GALNT7: variants seen among roughly 807,000 people sequenced by gnomAD.
The protein encoded by GALNT7 is N-acetylgalactosaminyltransferase 7.
GALNT7 carries 60 observed loss-of-function variants against 82.1 expected under a neutral mutation model. The observed-to-expected ratio is 0.73, with a 90% CI of 0.59 to 0.91. The LOEUF is 0.91. GALNT7 is among the 40% of genes least tolerant of loss of function. GALNT7 has a pLI of 0.00. For missense variants in GALNT7, 660 were observed against 804.2 expected (o/e 0.82, Z 2.17); for synonymous variants, 243 against 275.1 (o/e 0.88, Z 1.15).
rs34885736 is a variant in GALNT7, at chr4:173,318,553, C to T, written c.1830C>T (p.Tyr610=). The change falls in exon 11 of 12, where the codon TAC becomes TAT. Residue 610 remains tyrosine, a synonymous_variant. Transcript: ENST00000265000. ...CNLNEFKEWQ[Y]FKNLHRFTHI... ...TAAATGAATTTAAGGAATGGCAGTACTTCAAGGTATTCTGCATTTTAACTT... is the reference window on the plus strand; with the variant it reads ...TAAATGAATTTAAGGAATGGCAGTATTTCAAGGTATTCTGCATTTTAACTT... 44,044 of 1,546,046 alleles carry T rather than the reference C, an allele frequency of 0.028. 816 individuals are homozygous for T. The highest frequency in any genetic ancestry group is 0.063 in the South Asian group (5,585 of 88,608).
intron 8 of GALNT7, among the ~76,000 whole-genome samples, chr4:173,309,010 TCTC>T (rs1737271743): frequency 6.6e-6 from 1 of 152,204 alleles, no homozygotes; most frequent in South Asian, 2.1e-4. Context: ...AAAAATCTCA[TCTC>T]CTATGCCATA....
rs181778081 is a variant in GALNT7 at position 173,232,215 on chromosome 4, G to A, written c.127-15765G>A. Among the ~76,000 whole-genome samples the A allele has an allele frequency of 5.2e-3, 793 of 152,078 alleles. 10 individuals carry two copies. Among genetic ancestry groups the A allele is most frequent in the African/African-American group, 0.018 (764 of 41,456 alleles). On this transcript the variant is annotated intron_variant, in intron 1 of 11. Transcript: ENST00000265000. ...GACACCTTGAGTGAGTACATAGTGG[G>A]TAACACTGAAGCCAGGCAAAGAGTT...
At chr4:173,301,591 C>A (rs1329427976) in intron 6 of GALNT7, among the ~76,000 whole-genome samples, 1 of 152,144 alleles carries the variant, frequency 6.6e-6, no homozygotes, top group Non-Finnish European at 1.5e-5. Context: ...TGGCGAGCCC[C>A]TGAGCTATAA....
chr4:173,185,970 T>C lies in GALNT7; in HGVS notation c.126+17009T>C, dbSNP rs574500497. Reference sequence around the variant, plus strand: ...AGGGAAATTACATTCAACTTGATTATGGTATTCCTTATGAGAGCTTGGGCA... The same window carrying C: ...AGGGAAATTACATTCAACTTGATTACGGTATTCCTTATGAGAGCTTGGGCA... On this transcript the variant is annotated intron_variant, in intron 1 of 11. Transcript: ENST00000265000. Among the ~76,000 whole-genome samples the C allele has an allele frequency of 8.5e-5, 13 of 152,316 alleles. No individual in the cohort carries two copies. In the East Asian group the frequency reaches 2.5e-3, roughly 29 times the overall value.
intron 1 of GALNT7, among the ~76,000 whole-genome samples, chr4:173,223,880 A>G (rs931120872): frequency 6.6e-5 from 10 of 152,190 alleles, no homozygotes; most frequent in African/African-American, 2.2e-4. Context: ...AACATTATTG[A>G]TAAAAATACT....
At chr4:173,225,635 A>C (rs1733802249) in intron 1 of GALNT7, among the ~76,000 whole-genome samples, 1 of 152,194 alleles carries the variant, frequency 6.6e-6, no homozygotes. Flanking sequence ...TTAATATTCC[A>C]ATTTTGTAAA....
chr4:173,227,809 CT>C (rs1207711802), intron 1 of GALNT7, among the ~76,000 whole-genome samples: 1 of 151,730 alleles, frequency 6.6e-6, no homozygotes, highest in Non-Finnish European at 1.5e-5. Flanking sequence ...TTTTTTGCAC[CT>C]TTTAAAAAAA....
chr4:173,208,156 T>C (rs1733157155), intron 1 of GALNT7, among the ~76,000 whole-genome samples: 2 of 152,184 alleles, frequency 1.3e-5, no homozygotes, highest in Non-Finnish European at 2.9e-5. Context: ...TTGTTTTGTT[T>C]TTATTTTATT....
chr4:173,260,239 T>C (rs59926654), intron 2 of GALNT7, among the ~76,000 whole-genome samples: 8,088 of 152,254 alleles, frequency 0.053, 617 homozygotes, highest in African/African-American at 0.17. Flanking sequence ...CAAATTGATA[T>C]TGTTGACTGA....
chr4:173,266,871 GTGTGTGTGTGTGT>G (rs1735516948), intron 2 of GALNT7, among the ~76,000 whole-genome samples: 3 of 51,186 alleles, frequency 5.9e-5, no homozygotes, highest in African/African-American at 8.6e-5. Flanking sequence ...TGGGAAGGGT[GTGTGTGTGTGTGT>G]GTGTGTGTGT....
intron 2 of GALNT7, among the ~76,000 whole-genome samples, chr4:173,290,943 C>T (rs374750500): frequency 1.3e-5 from 2 of 152,274 alleles, no homozygotes; most frequent in East Asian, 3.9e-4. Flanking sequence ...AAAGGTGCCC[C>T]TCACCACCTT....
At chr4:173,171,357 C>G (rs568326504) in intron 1 of GALNT7, among the ~76,000 whole-genome samples, 1 of 150,004 alleles carries the variant, frequency 6.7e-6, no homozygotes, top group African/African-American at 2.5e-5. Context: ...CTCTGCTTCT[C>G]TTTAATGCTG....
chr4:173,295,599 T>C, intron 4 of GALNT7, 73 bp downstream of exon 4: 2 of 1,447,194 alleles, frequency 1.4e-6, no homozygotes, highest in East Asian at 4.6e-5. Context: ...TTTTAATCAT[T>C]CTTCAGTTTT....
At chr4:173,298,048 C>A in intron 5 of GALNT7, 67 bp from the exon 6 acceptor site, 1 of 1,551,216 alleles carries the variant, frequency 6.4e-7, no homozygotes, top group Non-Finnish European at 8.7e-7. Flanking sequence ...TCCCCATGAA[C>A]TCGTATAAAT....
At chr4:173,276,693 C>T (rs967268397) in intron 2 of GALNT7, among the ~76,000 whole-genome samples, 1 of 152,230 alleles carries the variant, frequency 6.6e-6, no homozygotes, top group African/African-American at 2.4e-5. Context: ...GAGGAGGAAG[C>T]AGGGAGCTTC....
chr4:173,210,088 C>G (rs1579913648), intron 1 of GALNT7, among the ~76,000 whole-genome samples: 1 of 151,636 alleles, frequency 6.6e-6, no homozygotes, highest in Non-Finnish European at 1.5e-5. Context: ...GACCTGAGAT[C>G]GTGCCACTGC....
chr4:173,234,894 T>G (rs914970429), intron 1 of GALNT7, among the ~76,000 whole-genome samples: 2 of 152,156 alleles, frequency 1.3e-5, no homozygotes, highest in Non-Finnish European at 2.9e-5. Flanking sequence ...CACACCTGCT[T>G]CCCTTCCCTA....
chr4:173,259,370 A>G (rs188082943), intron 2 of GALNT7, among the ~76,000 whole-genome samples: 8 of 152,020 alleles, frequency 5.3e-5, no homozygotes, highest in African/African-American at 1.9e-4. Context: ...TGTTGGTGGT[A>G]GTACAGTAAT....
chr4:173,210,948 A>G (rs1041993992), intron 1 of GALNT7, among the ~76,000 whole-genome samples: 6 of 152,176 alleles, frequency 3.9e-5, no homozygotes, highest in African/African-American at 1.4e-4. Flanking sequence ...ACCCAGGTGA[A>G]ATTAATTTTA....
Sources: gnomAD v4.1 joint callset for allele counts (sites outside exome capture counted in the v4.1 genomes callset) on GRCh38, gnomAD v4.1.1 for gene constraint, MANE v1.5 for transcripts, NCBI Gene and HGNC (gene_info 2026-07-23, HGNC 2026-07-21) for gene names.